The following GRIP1 variants were observed in gnomAD, a reference collection of about 807,000 sequenced individuals.
GRIP1 encodes the protein glutamate receptor-interacting protein 1.
In GRIP1, 45 loss-of-function variants were observed where a neutral mutation model predicts 129.9. That is an observed-to-expected ratio of 0.35 (90% CI 0.27 to 0.44). The LOEUF is 0.44. Ranked by LOEUF, GRIP1 falls within the 20% of genes least tolerant of loss-of-function variation. The pLI, the probability that GRIP1 is intolerant of heterozygous loss-of-function variation, is 1.00. For missense variants in GRIP1, 1,196 were observed against 1,396.8 expected (o/e 0.86, Z 2.29); for synonymous variants, 530 against 520.8 (o/e 1.02, Z -0.24).
intron 1 of GRIP1, among the ~76,000 whole-genome samples, chr12:66,962,545 A>G (rs2041937083): frequency 6.6e-6 from 1 of 152,182 alleles, no homozygotes; most frequent in African/African-American, 2.4e-5. Flanking sequence ...GGAAGCAGTA[A>G]GAACTGGGCA....
chr12:66,448,372 C>G (rs150005987), intron 11 of GRIP1, among the ~76,000 whole-genome samples: 1 of 152,190 alleles, frequency 6.6e-6, no homozygotes, highest in Non-Finnish European at 1.5e-5. Context: ...ATATATCTTA[C>G]AAAAATCCTC....
At chr12:66,972,362 T>C (rs1196951690) in intron 1 of GRIP1, among the ~76,000 whole-genome samples, 1 of 152,192 alleles carries the variant, frequency 6.6e-6, no homozygotes, top group East Asian at 1.9e-4. Context: ...ACAGTTTTGT[T>C]AGAAATGAGC....
chr12:67,013,822 G>C (rs2042744774), intron 1 of GRIP1, among the ~76,000 whole-genome samples: 2 of 152,184 alleles, frequency 1.3e-5, no homozygotes, highest in Non-Finnish European at 2.9e-5. Context: ...GGTAATAGCA[G>C]AGTAATCCCA....
chr12:66,964,068 C>A (rs898744260), intron 1 of GRIP1, among the ~76,000 whole-genome samples: 2 of 152,128 alleles, frequency 1.3e-5, no homozygotes, highest in Admixed American at 6.6e-5. Flanking sequence ...TCTACACCTC[C>A]ACCGTCAACT....
intron 1 of GRIP1, among the ~76,000 whole-genome samples, chr12:67,000,909 A>G (rs2042541745): frequency 6.6e-6 from 1 of 152,212 alleles, no homozygotes; most frequent in Non-Finnish European, 1.5e-5. Context: ...TGCCCCACGC[A>G]ATATTTGGGT....
At chr12:66,979,455 C>T (rs990790283) in intron 1 of GRIP1, among the ~76,000 whole-genome samples, 1 of 151,958 alleles carries the variant, frequency 6.6e-6, no homozygotes, top group Non-Finnish European at 1.5e-5. Flanking sequence ...AGCACTACAG[C>T]TGCTGTCTTC....
At chr12:66,981,492 A>T (rs1417676791) in intron 1 of GRIP1, among the ~76,000 whole-genome samples, 1 of 152,234 alleles carries the variant, frequency 6.6e-6, no homozygotes. Flanking sequence ...TTGTAATAAT[A>T]CACTGAATTC....
intron 1 of GRIP1, among the ~76,000 whole-genome samples, chr12:66,658,709 G>A (rs2033317186): frequency 6.6e-6 from 1 of 152,074 alleles, no homozygotes; most frequent in Non-Finnish European, 1.5e-5. Context: ...AGGAGTTTGA[G>A]ACCTGGGCAA....
At chr12:66,957,727 C>T (rs2041863895) in intron 1 of GRIP1, among the ~76,000 whole-genome samples, 1 of 152,180 alleles carries the variant, frequency 6.6e-6, no homozygotes. Flanking sequence ...CTACTATCAA[C>T]ATTAATTATC....
chr12:66,815,248 G>C (rs1029102862), intron 1 of GRIP1, among the ~76,000 whole-genome samples: 1 of 152,120 alleles, frequency 6.6e-6, no homozygotes, highest in African/African-American at 2.4e-5. Context: ...ATGGATGAGG[G>C]TGGTATCATA....
chr12:66,917,574 A>G (rs2041144929), intron 1 of GRIP1, among the ~76,000 whole-genome samples: 1 of 152,220 alleles, frequency 6.6e-6, no homozygotes, highest in South Asian at 2.1e-4. Context: ...AAGGTAAAGA[A>G]ATAATTTCCT....
In GRIP1 at chr12:66,485,326, C is replaced by A. The variant is rs937079946; in HGVS notation, c.725-19904G>T. 2.0e-5 allele frequency among the ~76,000 whole-genome samples: 3 copies of A among 151,872 alleles called. No homozygotes were observed. In the East Asian group the frequency reaches 5.8e-4, roughly 29 times the overall value. On this transcript the variant is annotated intron_variant, in intron 7 of 24. Transcript: ENST00000359742. ...TACAGTTATTGGCCATTTGAATATTCTCTTTTGTGACGTGTCTGATCAGGT... is the reference window on the plus strand; with the variant it reads ...TACAGTTATTGGCCATTTGAATATTATCTTTTGTGACGTGTCTGATCAGGT...
intron 19 of GRIP1, among the ~76,000 whole-genome samples, chr12:66,383,046 C>A (rs560538443): frequency 6.6e-5 from 10 of 151,984 alleles, no homozygotes; most frequent in Non-Finnish European, 1.3e-4. Context: ...CCTGTAATCC[C>A]AGCACTTTGG....
chr12:66,833,853 C>G (rs2039561451), intron 1 of GRIP1, among the ~76,000 whole-genome samples: 3 of 152,024 alleles, frequency 2.0e-5, no homozygotes, highest in African/African-American at 7.3e-5. Flanking sequence ...TACAAATGTG[C>G]TAGCTATTAA....
At chr12:66,559,463 T>A (rs11176263) in intron 2 of GRIP1, among the ~76,000 whole-genome samples, 62,496 of 151,868 alleles carry the variant, frequency 0.41, 13,028 homozygotes, top group African/African-American at 0.46. Context: ...ACCTATTAGA[T>A]CTGACAAATT....
chr12:66,674,521 G>A (rs922680129), intron 1 of GRIP1, among the ~76,000 whole-genome samples: 3 of 152,194 alleles, frequency 2.0e-5, no homozygotes, highest in African/African-American at 4.8e-5. Flanking sequence ...AACACAGGAT[G>A]AGTGTCAGAG....
At chr12:67,024,860 C>T (rs750719724) in intron 1 of GRIP1, among the ~76,000 whole-genome samples, 7 of 152,058 alleles carry the variant, frequency 4.6e-5, no homozygotes, top group Non-Finnish European at 7.4e-5. Flanking sequence ...TCAGTAATTC[C>T]CCCACTAATA....
intron 23 of GRIP1, among the ~76,000 whole-genome samples, chr12:66,363,200 C>CATATATATAT (rs35452357): frequency 1.7e-4 from 15 of 88,254 alleles, no homozygotes; most frequent in African/African-American, 7.0e-4. Context: ...TGTGTGTGTC[C>CATATATATAT]ATATATATAT....
chr12:66,993,666 C>A (rs1329954991), intron 1 of GRIP1, among the ~76,000 whole-genome samples: 1 of 151,666 alleles, frequency 6.6e-6, no homozygotes, highest in Non-Finnish European at 1.5e-5. Context: ...TGGTGCACGG[C>A]CATAATCCCA....
Sources: allele counts gnomAD v4.1 joint callset (sites outside exome capture counted in the v4.1 genomes callset), GRCh38; gene constraint gnomAD v4.1.1; transcripts MANE v1.5; gene names NCBI Gene and HGNC (gene_info 2026-07-23, HGNC 2026-07-21).